The following KIAA1958 variants were observed in gnomAD, a reference collection of about 807,000 sequenced individuals.
KIAA1958 encodes uncharacterized protein KIAA1958.
Under a neutral mutation model 47.2 loss-of-function variants are expected in KIAA1958, and 14 were observed. The ratio of observed to expected loss-of-function variants is 0.30; its 90% CI spans 0.20 to 0.46. The LOEUF (loss-of-function observed/expected upper bound fraction) is 0.46, where lower values mean the gene tolerates loss of function less well. Among genes scored for constraint, KIAA1958 ranks in the 20% least tolerant of loss-of-function variants. The pLI is 1.00. For missense variants in KIAA1958, 803 were observed against 909.2 expected (o/e 0.88, Z 1.50); for synonymous variants, 354 against 353.3 (o/e 1.00, Z -0.02).
chr9:112,571,894 CTT>C (rs35308071), intron 1 of KIAA1958, among the ~76,000 whole-genome samples: 508 of 141,526 alleles, frequency 3.6e-3, no homozygotes, highest in African/African-American at 4.7e-3. Context: ...CAATCTATGT[CTT>C]TTTTTTTTTT....
intron 1 of KIAA1958, 150 bp from the exon 2 acceptor site, chr9:112,573,907 C>T: frequency 4.2e-6 from 2 of 475,024 alleles, no homozygotes; most frequent in Non-Finnish European, 7.4e-6. Flanking sequence ...CTTCCAGTCC[C>T]TGCTCATCTA....
intron 1 of KIAA1958, among the ~76,000 whole-genome samples, chr9:112,547,265 C>T (rs547573947): frequency 6.6e-6 from 1 of 151,092 alleles, no homozygotes; most frequent in South Asian, 2.1e-4. Context: ...GTGGTCCCAG[C>T]TACTCAGGAG....
chr9:112,663,410 T>C lies in KIAA1958; in HGVS notation c.*3341T>C, dbSNP rs1837310846. Reference sequence around the variant, plus strand: ...TGTTAGCCAGCTTAGTTATAACTTTTGGTAATAATTAATATTATTTAACTA... The same window carrying C: ...TGTTAGCCAGCTTAGTTATAACTTTCGGTAATAATTAATATTATTTAACTA... On this transcript the variant is annotated 3_prime_UTR_variant, in exon 4 of 4. Coordinates refer to ENST00000337530, the MANE Select transcript of KIAA1958 (RefSeq NM_133465.4). The C allele has an allele frequency of 6.6e-6, 1 of 152,260 alleles. No individual in the cohort carries two copies. The highest frequency in any genetic ancestry group is 6.5e-5 in the Admixed American group (1 of 15,286). 9.4% of individuals were successfully genotyped at this position (152,260 alleles called of 1,614,324 possible). A position where few individuals can be genotyped will look rare whatever the true frequency, so the allele number is the denominator to read the frequency against.
At chr9:112,636,783 C>G (rs1003223688) in intron 2 of KIAA1958, among the ~76,000 whole-genome samples, 3 of 151,980 alleles carry the variant, frequency 2.0e-5, no homozygotes, top group Non-Finnish European at 4.4e-5. Context: ...GTGTATTTTT[C>G]CCCCAGGAGA....
At chr9:112,611,461 A>G (rs1007220419) in intron 2 of KIAA1958, among the ~76,000 whole-genome samples, 1 of 152,052 alleles carries the variant, frequency 6.6e-6, no homozygotes, top group African/African-American at 2.4e-5. Context: ...GAAAATTTCC[A>G]TTTGCAGTAA....
intron 1 of KIAA1958, among the ~76,000 whole-genome samples, chr9:112,566,508 G>A (rs1452091669): frequency 6.6e-6 from 1 of 152,112 alleles, no homozygotes; most frequent in African/African-American, 2.4e-5. Flanking sequence ...TGTAGTCCCA[G>A]CTACTCTGGA....
At chr9:112,540,536 A>G (rs936169885) in intron 1 of KIAA1958, among the ~76,000 whole-genome samples, 1 of 152,186 alleles carries the variant, frequency 6.6e-6, no homozygotes, top group Non-Finnish European at 1.5e-5. Flanking sequence ...ACTCCACCAG[A>G]ATGTTTTCTG....
At chr9:112,607,732 C>A (rs1234457705) in intron 2 of KIAA1958, among the ~76,000 whole-genome samples, 1 of 76,916 alleles carries the variant, frequency 1.3e-5, no homozygotes, top group East Asian at 3.4e-4. Flanking sequence ...AAAAGATAAT[C>A]ATTTAGATAT....
intron 1 of KIAA1958, among the ~76,000 whole-genome samples, chr9:112,490,429 A>C (rs1407177206): frequency 6.6e-6 from 1 of 152,080 alleles, no homozygotes; most frequent in Non-Finnish European, 1.5e-5. Context: ...TGATTAGTTG[A>C]TTTATGGACT....
chr9:112,616,981 G>C (rs983779401), intron 2 of KIAA1958, among the ~76,000 whole-genome samples: 1 of 152,170 alleles, frequency 6.6e-6, no homozygotes, highest in Non-Finnish European at 1.5e-5. Flanking sequence ...TCTGCATTTT[G>C]ATCAAGCATC....
intron 2 of KIAA1958, among the ~76,000 whole-genome samples, chr9:112,589,030 T>C (rs1835875232): frequency 6.6e-6 from 1 of 151,908 alleles, no homozygotes; most frequent in East Asian, 1.9e-4. Flanking sequence ...TTCTCCCACC[T>C]CAGCCTCCCA....
rs367804382 is a variant in KIAA1958 at position 112,589,335 on chromosome 9, G to A, written c.1171+14084G>A. On this transcript the variant is annotated intron_variant, in intron 2 of 3. Coordinates refer to ENST00000337530, the MANE Select transcript of KIAA1958 (RefSeq NM_133465.4). ...GGACAGGCTGGGCGCAGTGGCTTAC[G>A]CCTGTAATCCCAGCACTTTGGGAGG... Among the ~76,000 whole-genome samples the A allele has an allele frequency of 4.2e-4, 64 of 152,272 alleles. No individual in the cohort carries two copies. In the East Asian group the frequency reaches 9.3e-3, roughly 22 times the overall value.
intron 1 of KIAA1958, among the ~76,000 whole-genome samples, chr9:112,573,105 C>T (rs1027764894): frequency 1.3e-5 from 2 of 152,188 alleles, no homozygotes; most frequent in African/African-American, 4.8e-5. Context: ...GCAGACTCCA[C>T]ATGTCCCCTT....
At chr9:112,523,250 A>G (rs10981431) in intron 1 of KIAA1958, among the ~76,000 whole-genome samples, 18 of 152,278 alleles carry the variant, frequency 1.2e-4, no homozygotes, top group Non-Finnish European at 2.4e-4. Flanking sequence ...AGTACTAACC[A>G]GCCAGCCTGG....
rs1021222835 is a variant in KIAA1958, at chr9:112,558,223, C to CA, written c.-24-15823dup. Reference sequence around the variant, plus strand: ...CTGGAGACAGAGCGAGACTCTGTCTCAAAAAAAAAAAGTTAGCAATTAGAA... The same window carrying CA: ...CTGGAGACAGAGCGAGACTCTGTCTCAAAAAAAAAAAAGTTAGCAATTAGAA... On this transcript the variant is annotated intron_variant, in intron 1 of 3. Coordinates refer to ENST00000337530, the MANE Select transcript of KIAA1958 (RefSeq NM_133465.4). Among the ~76,000 whole-genome samples the CA allele has an allele frequency of 3.5e-3, 474 of 134,738 alleles. 3 individuals are homozygous for CA. The highest frequency in any genetic ancestry group is 0.012 in the African/African-American group (427 of 36,384). 88.4% of individuals were successfully genotyped at this position (134,738 alleles called of 152,430 possible).
rs534096208 is a variant in KIAA1958, at chr9:112,645,712, T to C, written c.1234T>C (p.Cys412Arg). ...FNINDDLNDL[C>R]TSAVSPNTTK... Reference sequence around the variant, plus strand: ...TATTAATGATGACTTGAATGATCTGTGTACCAGTGCAGTAAGCCCAAATAC... The same window carrying C: ...TATTAATGATGACTTGAATGATCTGCGTACCAGTGCAGTAAGCCCAAATAC... The change falls in exon 3 of 4, where the codon TGT becomes CGT. Residue 412 changes from cysteine to arginine, a missense_variant. This residue lies in a region of KIAA1958 where 761 missense variants were observed against 829.3 expected (regional missense o/e 0.92). Transcript: ENST00000337530. 3 of 1,613,844 alleles carry C rather than the reference T, an allele frequency of 1.9e-6. No individual in the cohort carries two copies. The highest frequency in any genetic ancestry group is 2.2e-5 in the East Asian group (1 of 44,868).
At chr9:112,503,934 T>A (rs1247072155) in intron 1 of KIAA1958, among the ~76,000 whole-genome samples, 2 of 151,160 alleles carry the variant, frequency 1.3e-5, no homozygotes, top group Non-Finnish European at 2.9e-5. Context: ...ATTATATATA[T>A]ATATATATAT....
chr9:112,600,097 T>C (rs1167014019), intron 2 of KIAA1958, among the ~76,000 whole-genome samples: 1 of 152,226 alleles, frequency 6.6e-6, no homozygotes, highest in Admixed American at 6.5e-5. Context: ...GTGATTAATA[T>C]AGTACAATAT....
At position 112,578,734 on chromosome 9, in the gene KIAA1958, TAA is replaced by T. The variant is rs1033943087; in HGVS notation, c.1171+3485_1171+3486del. Among the ~76,000 whole-genome samples the T allele has an allele frequency of 5.3e-4, 80 of 152,246 alleles. 1 individual carries two copies. The highest frequency in any genetic ancestry group is 1.1e-3 in the Non-Finnish European group (76 of 67,978). On this transcript the variant is annotated intron_variant, in intron 2 of 3. Coordinates refer to ENST00000337530, the MANE Select transcript of KIAA1958 (RefSeq NM_133465.4). ...AATCCAAATCTTAGCAAACAATGAG[TAA>T]AGAGGGCATCTATTATTAGAAGAAT... is the stretch of plus-strand genomic sequence containing the variant.
Sources: gnomAD v4.1 joint callset for allele counts (sites outside exome capture counted in the v4.1 genomes callset) on GRCh38, gnomAD v4.1.1 for gene constraint, gnomAD v4.1.1 regional missense constraint, MANE v1.5 for transcripts, NCBI Gene and HGNC (gene_info 2026-07-23, HGNC 2026-07-21) for gene names.